The following SLC25A13 variants were observed in gnomAD, a reference collection of about 807,000 sequenced individuals.
The protein encoded by SLC25A13 is electrogenic aspartate/glutamate antiporter SLC25A13, mitochondrial.
A neutral mutation model predicts 85.5 loss-of-function variants in SLC25A13; 70 were observed. That is an observed-to-expected ratio of 0.82 (90% CI 0.68 to 1.00). The LOEUF is 1.00. Among genes scored for constraint, SLC25A13 ranks in the 50% least tolerant of loss-of-function variants. The pLI is 0.00. For missense variants in SLC25A13, 765 were observed against 819.8 expected (o/e 0.93, Z 0.82); for synonymous variants, 259 against 288.7 (o/e 0.90, Z 1.04).
intron 4 of SLC25A13, among the ~76,000 whole-genome samples, chr7:96,214,451 G>C (rs928049932): frequency 5.9e-5 from 9 of 152,232 alleles, no homozygotes; most frequent in African/African-American, 1.9e-4. Flanking sequence ...AACTCGGTCA[G>C]GCGCAGTGGC....
At chr7:96,197,807 C>T (rs6465489) in intron 5 of SLC25A13, among the ~76,000 whole-genome samples, 81,759 of 151,844 alleles carry the variant, frequency 0.54, 23,201 homozygotes, top group Non-Finnish European at 0.63. Flanking sequence ...GAGGGGAGAA[C>T]AATATGGGCA....
At chr7:96,131,953 C>G (rs1453797854) in intron 14 of SLC25A13, 72 bp from the exon 15 acceptor site, 1 of 1,601,470 alleles carries the variant, frequency 6.2e-7, no homozygotes, top group East Asian at 2.2e-5. Flanking sequence ...TTCTCTGGAA[C>G]TCACCTCAGA....
intron 13 of SLC25A13, among the ~76,000 whole-genome samples, chr7:96,164,748 AAG>A (rs1793676658): frequency 6.6e-6 from 1 of 151,972 alleles, no homozygotes; most frequent in Non-Finnish European, 1.5e-5. Context: ...ACACACACAA[AAG>A]AAGCAGCAGC....
rs1237523004 is a variant in SLC25A13, at chr7:96,122,030, G to A, written c.1592-33C>T. The A allele has an allele frequency of 2.5e-6, 4 of 1,613,470 alleles. No homozygotes were observed. In the Admixed American group the frequency reaches 6.7e-5, roughly 27 times the overall value. On this transcript the variant is annotated intron_variant, in intron 15 of 17. Coordinates refer to ENST00000265631, the MANE Select transcript of SLC25A13 (RefSeq NM_014251.3). ...AGAGACACAACACCATCTCAGTCTG[G>A]TCACATTCTCACTATATAAAAATAA...
intron 3 of SLC25A13, among the ~76,000 whole-genome samples, chr7:96,245,674 C>T (rs1797162633): frequency 1.3e-5 from 2 of 152,026 alleles, no homozygotes; most frequent in African/African-American, 4.8e-5. Context: ...TTGAGATCTA[C>T]CAAAGACTTC....
intron 1 of SLC25A13, among the ~76,000 whole-genome samples, chr7:96,297,221 A>C (rs1404096299): frequency 6.6e-6 from 1 of 152,262 alleles, no homozygotes; most frequent in Non-Finnish European, 1.5e-5. Flanking sequence ...CTTAAAAAGA[A>C]AAGGTGAAAC....
intron 1 of SLC25A13, 26 bp downstream of exon 1, chr7:96,321,916 C>A (rs745587156): frequency 7.5e-5 from 115 of 1,525,208 alleles, no homozygotes; most frequent in Non-Finnish European, 9.6e-5. Flanking sequence ...CAGGCGCGCT[C>A]CCCCCGGCCT....
At chr7:96,280,020 T>C in intron 2 of SLC25A13, among the ~76,000 whole-genome samples, 1 of 152,180 alleles carries the variant, frequency 6.6e-6, no homozygotes, top group East Asian at 1.9e-4. Context: ...GGCCAACATG[T>C]ATTCTGAGGC....
At chr7:96,163,940 C>A (rs904548030) in intron 13 of SLC25A13, among the ~76,000 whole-genome samples, 5 of 152,014 alleles carry the variant, frequency 3.3e-5, no homozygotes, top group Non-Finnish European at 4.4e-5. Flanking sequence ...AAGTAGACAC[C>A]AGAAGAGGAG....
intron 3 of SLC25A13, among the ~76,000 whole-genome samples, chr7:96,258,488 C>T (rs972061013): frequency 2.0e-5 from 3 of 152,052 alleles, no homozygotes; most frequent in Non-Finnish European, 4.4e-5. Flanking sequence ...AATAAAATAC[C>T]TAGGAATACA....
intron 13 of SLC25A13, among the ~76,000 whole-genome samples, chr7:96,163,526 G>A (rs1388186093): frequency 6.6e-6 from 1 of 152,162 alleles, no homozygotes; most frequent in African/African-American, 2.4e-5. Flanking sequence ...GTATCTATTT[G>A]AAGCCACTAA....
rs1004549438 is a variant in SLC25A13 at position 96,171,506 on chromosome 7, A to T, written c.1196T>A (p.Leu399Ter). The change falls in exon 12 of 18, where the codon TTG becomes TAG. Residue 399 changes from leucine to a stop codon, truncating the protein, a stop_gained. Coordinates refer to ENST00000265631, the MANE Select transcript of SLC25A13 (RefSeq NM_014251.3). LOFTEE classifies it high-confidence loss of function. The part of the protein sequence containing the change: ...GLYRGLLPQL[L>*]GVAPEKAIKL... The stretch of plus-strand genomic sequence containing the variant: ...TATGGCCTTCTCTGGGGCAACTCCC[A>T]ATAACTGTGGCAACAGACCTAAAAA... 2.5e-6 allele frequency: 4 copies of T among 1,613,512 alleles called. No individual in the cohort carries two copies. Among genetic ancestry groups the T allele is most frequent in the Non-Finnish European group, 3.4e-6 (4 of 1,179,454 alleles).
At chr7:96,138,030 A>G (rs553298854) in intron 14 of SLC25A13, among the ~76,000 whole-genome samples, 24 of 152,306 alleles carry the variant, frequency 1.6e-4, no homozygotes, top group Non-Finnish European at 1.9e-4. Flanking sequence ...ACCTGGGATC[A>G]CCTTCCAGAA....
chr7:96,147,832 T>A (rs1792866616), intron 13 of SLC25A13, among the ~76,000 whole-genome samples: 1 of 152,280 alleles, frequency 6.6e-6, no homozygotes, highest in African/African-American at 2.4e-5. Context: ...TTTAAAATAC[T>A]GGTACACATT....
At chr7:96,317,429 C>A (rs909544946) in intron 1 of SLC25A13, among the ~76,000 whole-genome samples, 1 of 151,942 alleles carries the variant, frequency 6.6e-6, no homozygotes, top group Non-Finnish European at 1.5e-5. Context: ...CAATGAAACA[C>A]ATTTGGAACT....
At chr7:96,128,544 A>C (rs1439866790) in intron 15 of SLC25A13, among the ~76,000 whole-genome samples, 1 of 152,104 alleles carries the variant, frequency 6.6e-6, no homozygotes, top group Non-Finnish European at 1.5e-5. Flanking sequence ...AACAGGGCAA[A>C]CTCGGTATTT....
At chr7:96,235,317 C>CA (rs143878391) in intron 3 of SLC25A13, among the ~76,000 whole-genome samples, 1,734 of 152,056 alleles carry the variant, frequency 0.011, 28 homozygotes, top group African/African-American at 0.039. Context: ...ATACACCATG[C>CA]AAAAAACGGT....
Position 96,311,606 on chromosome 7 carries a change from T to C in SLC25A13, c.15+10336A>G, listed in dbSNP as rs577152079. On this transcript the variant is annotated intron_variant, in intron 1 of 17. Coordinates refer to ENST00000265631, the MANE Select transcript of SLC25A13 (RefSeq NM_014251.3). The stretch of plus-strand genomic sequence containing the variant: ...GTATCAACCAGCCATGTGTGGACTA[T>C]ATCTGAATATTGATTAGAACAAACC... 4.6e-5 allele frequency among the ~76,000 whole-genome samples: 7 copies of C among 152,302 alleles called. No individual in the cohort carries two copies. The East Asian group carries it at 9.7e-4, about 21-fold the overall frequency.
At chr7:96,200,237 T>C (rs1195673776) in intron 5 of SLC25A13, among the ~76,000 whole-genome samples, 1 of 152,316 alleles carries the variant, frequency 6.6e-6, no homozygotes, top group South Asian at 2.1e-4. Flanking sequence ...AGAAGAATTC[T>C]GGGCAAAATG....
Sources: allele counts gnomAD v4.1 joint callset (sites outside exome capture counted in the v4.1 genomes callset), GRCh38; gene constraint gnomAD v4.1.1; transcripts MANE v1.5; gene names NCBI Gene and HGNC (gene_info 2026-07-23, HGNC 2026-07-21).